Variants in EXOC6B observed in about 807,000 individuals in gnomAD.
EXOC6B encodes the protein SEC15 homolog B.
Under a neutral mutation model 113.5 loss-of-function variants are expected in EXOC6B, and 54 were observed. The ratio of observed to expected loss-of-function variants is 0.48; its 90% CI spans 0.38 to 0.60. EXOC6B has a LOEUF of 0.60. EXOC6B is among the 20% of genes least tolerant of loss of function. The probability of loss-of-function intolerance (pLI) is 0.00; values close to 1 mark genes in which losing one functional copy is unlikely to be tolerated. For synonymous variants in EXOC6B, 357 were observed against 339.0 expected (o/e 1.05, Z -0.58); for missense variants, 797 against 977.5 (o/e 0.82, Z 2.46).
chr2:72,757,493 T>G (rs1682492299), intron 1 of EXOC6B, among the ~76,000 whole-genome samples: 1 of 152,188 alleles, frequency 6.6e-6, no homozygotes, highest in African/African-American at 2.4e-5. Flanking sequence ...TCTCCCCAAA[T>G]GAATTAGTGC....
chr2:72,716,966 T>C (rs1197117480), intron 6 of EXOC6B, among the ~76,000 whole-genome samples: 5 of 152,308 alleles, frequency 3.3e-5, no homozygotes, highest in South Asian at 2.1e-4. Context: ...TCTTAGAAGA[T>C]AGCTTCATTC....
intron 5 of EXOC6B, among the ~76,000 whole-genome samples, chr2:72,730,573 G>GAGAC (rs1680570236): frequency 2.1e-5 from 2 of 94,080 alleles, no homozygotes; most frequent in African/African-American, 7.6e-5. Flanking sequence ...TAGGTAAACA[G>GAGAC]ACAGAGACAC....
chr2:72,718,444 T>C (rs1679780796), intron 5 of EXOC6B, 137 bp from the exon 6 acceptor site: 1 of 522,612 alleles, frequency 1.9e-6, no homozygotes, highest in South Asian at 4.5e-5. Context: ...GTGAAAAGAA[T>C]CTCAAATTAT....
intron 8 of EXOC6B, among the ~76,000 whole-genome samples, chr2:72,547,940 G>A (rs548533280): frequency 6.6e-6 from 1 of 151,906 alleles, no homozygotes; most frequent in East Asian, 1.9e-4. Context: ...TTTATATCCT[G>A]CCCCTTACCT....
intron 6 of EXOC6B, among the ~76,000 whole-genome samples, chr2:72,595,629 C>CCCA (rs1670035842): frequency 6.6e-6 from 1 of 151,698 alleles, no homozygotes; most frequent in South Asian, 2.1e-4. Flanking sequence ...GAACTGAAAA[C>CCCA]CCATTAGAAG....
intron 20 of EXOC6B, among the ~76,000 whole-genome samples, chr2:72,318,095 G>C (rs533491297): frequency 6.6e-6 from 1 of 152,246 alleles, no homozygotes; most frequent in South Asian, 2.1e-4. Context: ...ACAAGCAAAG[G>C]TTTGAACACT....
chr2:72,815,015 G>C (rs7588602), intron 1 of EXOC6B, among the ~76,000 whole-genome samples: 137,374 of 152,294 alleles, frequency 0.9, 62,040 homozygotes, highest in East Asian at 0.99. Flanking sequence ...AAATAAAATG[G>C]CTTTGTTTAC....
chr2:72,614,220 TAGAA>T (rs375547436), intron 6 of EXOC6B, among the ~76,000 whole-genome samples: 13 of 152,252 alleles, frequency 8.5e-5, no homozygotes, highest in African/African-American at 2.4e-4. Flanking sequence ...GAAATGCTGT[TAGAA>T]AGGCACTAAC....
chr2:72,190,610 C>T (rs931088943), intron 20 of EXOC6B, among the ~76,000 whole-genome samples: 6 of 152,124 alleles, frequency 3.9e-5, no homozygotes, highest in Admixed American at 2.0e-4. Flanking sequence ...TCTAGTTTCT[C>T]GTTTATCCTT....
intron 20 of EXOC6B, among the ~76,000 whole-genome samples, chr2:72,264,723 T>C (rs1306950834): frequency 1.3e-5 from 2 of 151,980 alleles, no homozygotes; most frequent in African/African-American, 4.8e-5. Flanking sequence ...CCCCACGCTG[T>C]TCTCATGATA....
intron 18 of EXOC6B, among the ~76,000 whole-genome samples, chr2:72,416,242 C>T (rs757589583): frequency 9.9e-5 from 15 of 152,196 alleles, no homozygotes; most frequent in Non-Finnish European, 1.6e-4. Context: ...AGAATTCTCT[C>T]ATCAAGAGAG....
intron 6 of EXOC6B, among the ~76,000 whole-genome samples, chr2:72,641,707 C>G (rs775239159): frequency 1.4e-4 from 21 of 152,238 alleles, no homozygotes; most frequent in Non-Finnish European, 1.8e-4. Flanking sequence ...CTAAAGAGAG[C>G]TGTGTTCTCT....
chr2:72,329,231 C>T (rs571491230), intron 20 of EXOC6B, among the ~76,000 whole-genome samples: 1 of 152,188 alleles, frequency 6.6e-6, no homozygotes, highest in African/African-American at 2.4e-5. Context: ...GTTCATCTCC[C>T]AAAACCCAAG....
At chr2:72,344,568 T>A (rs1689214611) in intron 19 of EXOC6B, among the ~76,000 whole-genome samples, 1 of 152,182 alleles carries the variant, frequency 6.6e-6, no homozygotes, top group South Asian at 2.1e-4. Flanking sequence ...AAAAAAATTC[T>A]TCCCCTTCTC....
At chr2:72,576,485 C>A (rs973895740) in intron 6 of EXOC6B, among the ~76,000 whole-genome samples, 7 of 152,092 alleles carry the variant, frequency 4.6e-5, no homozygotes, top group African/African-American at 1.4e-4. Flanking sequence ...ACTCAGGAAA[C>A]TGAGGCTAGA....
chr2:72,471,410 G>A (rs1573200281), intron 17 of EXOC6B, among the ~76,000 whole-genome samples: 1 of 152,212 alleles, frequency 6.6e-6, no homozygotes, highest in South Asian at 2.1e-4. Context: ...CCATTCTGTA[G>A]GTTGCCTGTT....
chr2:72,369,530 G>C (rs1690868122), intron 19 of EXOC6B, among the ~76,000 whole-genome samples: 5 of 152,004 alleles, frequency 3.3e-5, no homozygotes, highest in Non-Finnish European at 5.9e-5. Context: ...TCATATGGAA[G>C]CAAAAAAGAG....
chr2:72,618,739 A>G (rs914202771), intron 6 of EXOC6B, among the ~76,000 whole-genome samples: 1 of 152,188 alleles, frequency 6.6e-6, no homozygotes, highest in Non-Finnish European at 1.5e-5. Flanking sequence ...CTTAACCTAC[A>G]TCCATTCCTC....
intron 8 of EXOC6B, among the ~76,000 whole-genome samples, chr2:72,523,520 T>G (rs1701595873): frequency 6.6e-6 from 1 of 152,176 alleles, no homozygotes; most frequent in Non-Finnish European, 1.5e-5. Flanking sequence ...GGCTCACGCC[T>G]GTAATCCCAG....
Sources: gnomAD v4.1 joint callset for allele counts (sites outside exome capture counted in the v4.1 genomes callset) on GRCh38, gnomAD v4.1.1 for gene constraint, MANE v1.5 for transcripts, NCBI Gene and HGNC (gene_info 2026-07-23, HGNC 2026-07-21) for gene names.